Variants in AKR1C3 observed in about 807,000 individuals in gnomAD.
AKR1C3 encodes aldo-keto reductase family 1 member C3, also known as 3-alpha hydroxysteroid dehydrogenase, type II.
AKR1C3 carries 48 observed loss-of-function variants against 43.6 expected under a neutral mutation model. The ratio of observed to expected loss-of-function variants is 1.10; its 90% confidence interval spans 0.87 to 1.40. The LOEUF (loss-of-function observed/expected upper bound fraction) is 1.40. Among genes scored for constraint, AKR1C3 ranks in the 40% most tolerant of loss-of-function variants. AKR1C3 has a pLI of 0.00. For missense variants in AKR1C3, 482 were observed against 391.2 expected, an observed-to-expected ratio of 1.23 and a Z score of -1.96; for synonymous variants, 162 against 139.6, an observed-to-expected ratio of 1.16 and a Z score of -1.13.
intron 1 of AKR1C3, among the ~76,000 whole-genome samples, chr10:5,049,220 A>G (rs1838101253): frequency 6.6e-6 from 1 of 152,206 alleles, no homozygotes; most frequent in African/African-American, 2.4e-5. Context: ...ATTGATGGCA[A>G]TAGAAGTGGT....
intron 1 of AKR1C3, among the ~76,000 whole-genome samples, chr10:5,054,525 G>C (rs979453606): frequency 6.6e-6 from 1 of 152,206 alleles, no homozygotes; most frequent in Non-Finnish European, 1.5e-5. Context: ...TCAATGTTCC[G>C]CATAAGAAAA....
At chr10:5,087,556 AG>A (rs1286302332) in intron 1 of AKR1C3, among the ~76,000 whole-genome samples, 1 of 151,646 alleles carries the variant, frequency 6.6e-6, no homozygotes, top group Non-Finnish European at 1.5e-5. Flanking sequence ...TTGTATTTTT[AG>A]TAGAGGCGGG....
At chr10:5,095,564 GCTT>G (rs1230673379) in intron 1 of AKR1C3, among the ~76,000 whole-genome samples, 14 of 151,130 alleles carry the variant, frequency 9.3e-5, no homozygotes, top group South Asian at 2.1e-4. Context: ...AAACAAGAAA[GCTT>G]CTTTAAATAC....
At chr10:5,058,236 G>A (rs1419746831) in intron 1 of AKR1C3, among the ~76,000 whole-genome samples, 1 of 152,194 alleles carries the variant, frequency 6.6e-6, no homozygotes, top group Non-Finnish European at 1.5e-5. Context: ...TGTAAGCTTT[G>A]CATAGTTGTG....
intron 1 of AKR1C3, among the ~76,000 whole-genome samples, chr10:5,086,054 G>C (rs1391510239): frequency 6.6e-5 from 10 of 151,694 alleles, no homozygotes; most frequent in Non-Finnish European, 1.0e-4. Context: ...TTTTTGAAGG[G>C]TTTTTTGTGT....
chr10:5,061,100 G>A lies in AKR1C3; in HGVS notation c.84+12205G>A, dbSNP rs543767472. Among the ~76,000 whole-genome samples the A allele has an allele frequency of 2.6e-4, 40 of 152,334 alleles. No homozygotes were observed. In the South Asian group the frequency reaches 3.9e-3, roughly 15 times the overall value. ...CAGAAAGGGGCTCCCACAGTGCAGC[G>A]GCGGGCTGAAGGGCTCCTCAAGTGC... is the stretch of plus-strand genomic sequence containing the variant. On this transcript the variant is annotated intron_variant, in intron 1 of 8. Transcript: ENST00000439082.
chr10:5,077,393 T>A (rs570650853), intron 1 of AKR1C3, among the ~76,000 whole-genome samples: 24 of 152,192 alleles, frequency 1.6e-4, no homozygotes, highest in Non-Finnish European at 3.1e-4. Flanking sequence ...ATGTCAAGAC[T>A]ATAGGTTTTC....
intron 1 of AKR1C3, among the ~76,000 whole-genome samples, chr10:5,088,628 A>T (rs931331144): frequency 1.3e-5 from 2 of 151,592 alleles, no homozygotes. Context: ...TTTATCTAGT[A>T]TAAGAATGGC....
chr10:5,073,281 A>G (rs1402307907), intron 1 of AKR1C3, among the ~76,000 whole-genome samples: 1 of 152,158 alleles, frequency 6.6e-6, no homozygotes, highest in Non-Finnish European at 1.5e-5. Context: ...TTTTAATAAG[A>G]AAATTATTTT....
chr10:5,082,434 T>G (rs1363687345), intron 1 of AKR1C3, among the ~76,000 whole-genome samples: 1 of 152,136 alleles, frequency 6.6e-6, no homozygotes, highest in East Asian at 1.9e-4. Flanking sequence ...GTCCTAGATG[T>G]CCCTTATTAT....
intron 1 of AKR1C3, among the ~76,000 whole-genome samples, chr10:5,075,042 A>G (rs1254899021): frequency 6.6e-6 from 1 of 152,058 alleles, no homozygotes; most frequent in East Asian, 1.9e-4. Context: ...GTGCATCCTC[A>G]ACTTTGGCAA....
At chr10:5,071,775 C>A (rs1309641948) in intron 1 of AKR1C3, among the ~76,000 whole-genome samples, 1 of 152,236 alleles carries the variant, frequency 6.6e-6, no homozygotes, top group East Asian at 1.9e-4. Context: ...TCCCTTAGTT[C>A]CAGTTAGCAA....
Position 5,102,184 on chromosome 10 carries a change from T to G in AKR1C3, c.654T>G (p.Ala218=), listed in dbSNP as rs782342001. 6.2e-7 allele frequency: 1 copy of G among 1,613,796 alleles called. No homozygotes were observed. The highest frequency in any genetic ancestry group is 2.2e-5 in the East Asian group (1 of 44,884). The change falls in exon 6 of 9, where the codon GCT becomes GCG. Residue 218 remains alanine (A), a synonymous_variant. Transcript: ENST00000380554. ...ATATTGTTCTGGTTGCCTATAGTGC[T>G]CTGGGATCTCAACGAGACAAACGAT... ...SKDIVLVAYS[A]LGSQRDKRWV... is the part of the protein sequence containing the mutation.
intron 1 of AKR1C3, among the ~76,000 whole-genome samples, chr10:5,051,175 A>G (rs1043199956): frequency 1.1e-4 from 16 of 152,184 alleles, no homozygotes; most frequent in African/African-American, 3.9e-4. Flanking sequence ...GGCTAACTGC[A>G]ACCTCCGCCT....
chr10:5,063,129 G>A (rs1838416744), intron 1 of AKR1C3, among the ~76,000 whole-genome samples: 1 of 152,058 alleles, frequency 6.6e-6, no homozygotes, highest in African/African-American at 2.4e-5. Flanking sequence ...TGAAATTTTG[G>A]AATTGTACTC....
At chr10:5,075,199 CA>C (rs1838688265) in intron 1 of AKR1C3, among the ~76,000 whole-genome samples, 1 of 143,440 alleles carries the variant, frequency 7.0e-6, no homozygotes, top group Non-Finnish European at 1.5e-5. Context: ...GTCCCTCTCT[CA>C]TTTTTTTTTT....
chr10:5,097,379 A>G (rs1200641913), intron 2 of AKR1C3, 55 bp from the exon 3 acceptor site: 6 of 1,593,000 alleles, frequency 3.8e-6, no homozygotes, highest in South Asian at 1.1e-5. Flanking sequence ...GCACAAAGTA[A>G]TAAGATTTGC....
chr10:5,080,363 T>C (rs1356255399), intron 1 of AKR1C3, among the ~76,000 whole-genome samples: 1 of 152,168 alleles, frequency 6.6e-6, no homozygotes, highest in Admixed American at 6.5e-5. Context: ...GTAGCTAATG[T>C]CTGTAATCCC....
At chr10:5,078,077 T>C (rs1421867952) in intron 1 of AKR1C3, 3 of 617,822 alleles carry the variant, frequency 4.9e-6, no homozygotes, top group Non-Finnish European at 8.5e-6. Context: ...AACAGAAAGC[T>C]ATAAAAGGAA....
Sources: allele counts gnomAD v4.1 joint callset (sites outside exome capture counted in the v4.1 genomes callset), GRCh38; gene constraint gnomAD v4.1.1; transcripts MANE v1.5; gene names NCBI Gene and HGNC (gene_info 2026-07-23, HGNC 2026-07-21).